The following CRISPLD2 variants were observed in gnomAD, a reference collection of about 807,000 sequenced individuals.
The protein encoded by CRISPLD2 is cysteine rich secretory protein LCCL domain containing 2, also known as cysteine-rich secretory protein LCCL domain-containing 2.
In CRISPLD2, 47 loss-of-function variants were observed where a neutral mutation model predicts 71.1. The ratio of observed to expected loss-of-function variants is 0.66; its 90% CI spans 0.52 to 0.84. CRISPLD2 has a LOEUF of 0.84. Among genes scored for constraint, CRISPLD2 ranks in the 40% least tolerant of loss-of-function variants. CRISPLD2 has a pLI of 0.00. For missense variants in CRISPLD2, 830 were observed against 651.1 expected (o/e 1.27, Z -2.99); for synonymous variants, 317 against 250.1 (o/e 1.27, Z -2.52).
intron 6 of CRISPLD2, among the ~76,000 whole-genome samples, chr16:84,864,569 A>G (rs1232092671): frequency 6.6e-6 from 1 of 152,232 alleles, no homozygotes; most frequent in African/African-American, 2.4e-5. Context: ...GCTTCCACCC[A>G]TAGCTTTTGC....
At chr16:84,863,957 C>CAAAAAAAAAA (rs781013604) in intron 6 of CRISPLD2, among the ~76,000 whole-genome samples, 1 of 80,820 alleles carries the variant, frequency 1.2e-5, no homozygotes, top group Non-Finnish European at 2.6e-5. Flanking sequence ...AACTTCCTCT[C>CAAAAAAAAAA]AAAAAAAAAA....
intron 1 of CRISPLD2, among the ~76,000 whole-genome samples, chr16:84,834,671 C>T (rs556218465): frequency 2.5e-4 from 38 of 152,294 alleles, no homozygotes; most frequent in African/African-American, 8.2e-4. Flanking sequence ...AGCAAAGTAC[C>T]ACAAGCTTCA....
intron 14 of CRISPLD2, among the ~76,000 whole-genome samples, chr16:84,896,364 T>TA (rs1291621396): frequency 9.2e-4 from 139 of 151,338 alleles, no homozygotes; most frequent in African/African-American, 2.5e-3. Flanking sequence ...TGGAATCCTT[T>TA]AAAAAAAAAG....
intron 1 of CRISPLD2, among the ~76,000 whole-genome samples, chr16:84,826,618 G>A (rs1421179068): frequency 6.6e-6 from 1 of 151,952 alleles, no homozygotes; most frequent in Admixed American, 6.5e-5. Context: ...GGAAGACACG[G>A]TTTATTCCCC....
At chr16:84,885,096 T>TG (rs1240399726) in intron 13 of CRISPLD2, among the ~76,000 whole-genome samples, 1 of 152,242 alleles carries the variant, frequency 6.6e-6, no homozygotes, top group Non-Finnish European at 1.5e-5. Flanking sequence ...AATCAACCAT[T>TG]GATCCTGAAC....
intron 9 of CRISPLD2, 111 bp from the exon 10 acceptor site, chr16:84,872,881 C>T: frequency 7.4e-7 from 1 of 1,357,378 alleles, no homozygotes; most frequent in South Asian, 1.4e-5. Context: ...TGAGCTTTGG[C>T]CTGTCCTTCA....
chr16:84,861,847 T>C (rs1917390995), intron 6 of CRISPLD2, among the ~76,000 whole-genome samples: 1 of 152,158 alleles, frequency 6.6e-6, no homozygotes, highest in African/African-American at 2.4e-5. Flanking sequence ...GGAAGATCGC[T>C]TGAGTCCAGG....
At chr16:84,884,641 A>G (rs1238916255) in intron 13 of CRISPLD2, among the ~76,000 whole-genome samples, 1 of 151,900 alleles carries the variant, frequency 6.6e-6, no homozygotes, top group Non-Finnish European at 1.5e-5. Context: ...AGGAAGGAAG[A>G]AAGGAGGAAA....
intron 2 of CRISPLD2, 53 bp downstream of exon 2, chr16:84,838,788 ACCAGCCTGCTCTGTTCC>A (rs775097682): frequency 6.4e-7 from 1 of 1,562,226 alleles, no homozygotes; most frequent in Non-Finnish European, 8.6e-7. Context: ...GGCCTGGGCC[ACCAGCCTGCTCTGTTCC>A]CCAGCCAGCT....
rs1341284129 is a variant in CRISPLD2, at chr16:84,878,374, C to A, written c.1229+864C>A. On this transcript the variant is annotated intron_variant, in intron 12 of 14. Transcript: ENST00000262424. ...TCCAGCTCCCGGCCACACCCCTGCACCAGGGAGCTTCTTTCTGTTGCTCTG... is the reference window on the plus strand; with the variant it reads ...TCCAGCTCCCGGCCACACCCCTGCAACAGGGAGCTTCTTTCTGTTGCTCTG... Among the ~76,000 whole-genome samples, 8 of 139,632 alleles carry A rather than the reference C, an allele frequency of 5.7e-5. No individual in the cohort carries two copies. In the East Asian group the frequency reaches 1.5e-3, roughly 27 times the overall value. 91.6% of individuals were successfully genotyped at this position (139,632 alleles called of 152,430 possible). A position where few individuals can be genotyped will look rare whatever the true frequency, so the allele number is the denominator to read the frequency against.
intron 11 of CRISPLD2, among the ~76,000 whole-genome samples, chr16:84,875,825 C>A (rs561924169): frequency 6.6e-6 from 1 of 151,774 alleles, no homozygotes; most frequent in South Asian, 2.1e-4. Flanking sequence ...CTGGGCCTCC[C>A]CAAGTGCTAG....
At chr16:84,890,055 A>C (rs894485924) in intron 14 of CRISPLD2, among the ~76,000 whole-genome samples, 1 of 152,102 alleles carries the variant, frequency 6.6e-6, no homozygotes, top group Non-Finnish European at 1.5e-5. Flanking sequence ...GTGCCTACCT[A>C]TTGCCAGTAA....
chr16:84,860,658 G>T (rs1004235521), intron 6 of CRISPLD2, among the ~76,000 whole-genome samples: 6 of 152,244 alleles, frequency 3.9e-5, no homozygotes, highest in Admixed American at 3.3e-4. Flanking sequence ...TGGCAAAAAA[G>T]GTTTATCAGC....
rs188194073 is a variant in CRISPLD2, at chr16:84,872,036, C to T, written c.915-406C>T. Among the ~76,000 whole-genome samples, 135 of 152,168 alleles carry T rather than the reference C, an allele frequency of 8.9e-4. 1 individual carries two copies. Among genetic ancestry groups the T allele is most frequent in the African/African-American group, 2.4e-3 (101 of 41,514 alleles). On this transcript the variant is annotated intron_variant, in intron 8 of 14. Transcript: ENST00000262424. ...ACAGTATAATAATAAAAAACTGATA[C>T]AAATTTTAAAAACAATACAGTGTAA...
At chr16:84,845,403 G>A (rs1050814835) in intron 2 of CRISPLD2, among the ~76,000 whole-genome samples, 1 of 152,184 alleles carries the variant, frequency 6.6e-6, no homozygotes, top group Non-Finnish European at 1.5e-5. Context: ...GGAGACTGGG[G>A]TCATCGGGAC....
Position 84,849,390 on chromosome 16 carries a change from G to A in CRISPLD2, c.365G>A (p.Arg122His), listed in dbSNP as rs775437927. ...QNLGAHWGRY[R>H]SPGFHVQSWY... The stretch of plus-strand genomic sequence containing the variant: ...GAGCGGTTTCTGCCCTGCAGGTATC[G>A]CTCTCCGGGGTTCCATGTGCAGTCC... The change falls in exon 4 of 15, where the codon CGC becomes CAC. Residue 122 changes from arginine to histidine, a missense_variant. Coordinates refer to ENST00000262424, the MANE Select transcript of CRISPLD2 (RefSeq NM_031476.4). 50 of 1,612,488 alleles carry A rather than the reference G, an allele frequency of 3.1e-5. No homozygotes were observed. The highest frequency in any genetic ancestry group is 5.0e-5 in the Admixed American group (3 of 59,976).
At chr16:84,884,626 T>G (rs1467997888) in intron 13 of CRISPLD2, among the ~76,000 whole-genome samples, 1 of 140,312 alleles carries the variant, frequency 7.1e-6, no homozygotes, top group African/African-American at 3.2e-5. Context: ...AGAGGAGAGG[T>G]GTGGAGGAAG....
chr16:84,861,186 T>C (rs1050852433), intron 6 of CRISPLD2, among the ~76,000 whole-genome samples: 2 of 152,200 alleles, frequency 1.3e-5, no homozygotes, highest in African/African-American at 4.8e-5. Context: ...TTTTGGGATC[T>C]AATCATATTA....
Position 84,905,928 on chromosome 16 carries a change from T to G in CRISPLD2, c.1440-660T>G, listed in dbSNP as rs573514785. On this transcript the variant is annotated intron_variant, in intron 14 of 14. Coordinates refer to ENST00000262424, the MANE Select transcript of CRISPLD2 (RefSeq NM_031476.4). ...TTTCACCATGTTGGCCAGGCTGGTC[T>G]CGAACTCCTGACCTCAGGTGGTCCA... 2.0e-5 allele frequency among the ~76,000 whole-genome samples: 3 copies of G among 152,214 alleles called. No individual in the cohort carries two copies. The South Asian group carries it at 6.2e-4, about 32-fold the overall frequency.
Sources: gnomAD v4.1 joint callset for allele counts (sites outside exome capture counted in the v4.1 genomes callset) on GRCh38, gnomAD v4.1.1 for gene constraint, MANE v1.5 for transcripts, NCBI Gene and HGNC (gene_info 2026-07-23, HGNC 2026-07-21) for gene names.